SUSD4: variants seen among roughly 807,000 people sequenced by gnomAD.
SUSD4 encodes sushi domain-containing protein 4.
Under a neutral mutation model 50.5 loss-of-function variants are expected in SUSD4, and 41 were observed. The ratio of observed to expected loss-of-function variants is 0.81; its 90% CI spans 0.63 to 1.05. The LOEUF (loss-of-function observed/expected upper bound fraction) is 1.05, where lower values mean the gene tolerates loss of function less well. SUSD4 is among the 50% of genes least tolerant of loss of function. The pLI is 0.00. For synonymous variants in SUSD4, 257 were observed against 257.3 expected, an observed-to-expected ratio of 1.00 and a Z score of 0.01; for missense variants, 580 against 634.7, an observed-to-expected ratio of 0.91 and a Z score of 0.93.
intron 2 of SUSD4, among the ~76,000 whole-genome samples, chr1:223,337,267 A>C (rs1472734715): frequency 2.6e-5 from 4 of 152,356 alleles, no homozygotes; most frequent in African/African-American, 9.6e-5. Flanking sequence ...GAATGTGTTA[A>C]GGAATGAATG....
chr1:223,255,772 C>G (rs1322732464), intron 5 of SUSD4, among the ~76,000 whole-genome samples: 1 of 152,204 alleles, frequency 6.6e-6, no homozygotes, highest in East Asian at 1.9e-4. Flanking sequence ...ATTTGCTGCC[C>G]TTTTCTTCCT....
chr1:223,284,797 G>A (rs760225306), intron 3 of SUSD4, among the ~76,000 whole-genome samples: 91 of 152,172 alleles, frequency 6.0e-4, no homozygotes, highest in Non-Finnish European at 6.5e-4. Flanking sequence ...TCACTCATAT[G>A]TGGAAGCTAA....
At chr1:223,347,636 G>C (rs1028220423) in intron 2 of SUSD4, among the ~76,000 whole-genome samples, 2 of 151,848 alleles carry the variant, frequency 1.3e-5, no homozygotes, top group South Asian at 2.1e-4. Flanking sequence ...TTTCATGCAC[G>C]CATTTAAGTG....
chr1:223,252,230 A>ATATAT (rs1553285623), intron 5 of SUSD4, among the ~76,000 whole-genome samples: 1 of 64,700 alleles, frequency 1.5e-5, no homozygotes, highest in African/African-American at 4.7e-5. Flanking sequence ...AAAAAAAAAA[A>ATATAT]AAAAAAATAT....
chr1:223,345,408 G>A (rs535626867), intron 2 of SUSD4, among the ~76,000 whole-genome samples: 1 of 152,152 alleles, frequency 6.6e-6, no homozygotes, highest in Admixed American at 6.5e-5. Flanking sequence ...TGCTTATTAA[G>A]AGATGGAGCC....
intron 2 of SUSD4, among the ~76,000 whole-genome samples, chr1:223,325,608 A>G (rs1666829771): frequency 6.6e-6 from 1 of 152,244 alleles, no homozygotes; most frequent in African/African-American, 2.4e-5. Flanking sequence ...ATATTATCAT[A>G]TATCTAGAAA....
intron 2 of SUSD4, among the ~76,000 whole-genome samples, chr1:223,351,583 A>G (rs1287810142): frequency 6.6e-6 from 1 of 152,148 alleles, no homozygotes; most frequent in East Asian, 1.9e-4. Flanking sequence ...GTGAGATGGA[A>G]GCTGACAGAG....
intron 4 of SUSD4, among the ~76,000 whole-genome samples, chr1:223,267,035 G>C (rs74145794): frequency 0.059 from 8,910 of 152,294 alleles, 399 homozygotes; most frequent in East Asian, 0.15. Flanking sequence ...GGCTTGCATC[G>C]TTTAAAGAAG....
chr1:223,230,143 T>C (rs572051185), intron 5 of SUSD4, among the ~76,000 whole-genome samples: 2 of 152,350 alleles, frequency 1.3e-5, no homozygotes, highest in South Asian at 2.1e-4. Flanking sequence ...AAGTTGTTTT[T>C]AGTGTCTTTA....
chr1:223,294,864 A>C (rs1008025855), intron 2 of SUSD4, among the ~76,000 whole-genome samples: 4 of 152,194 alleles, frequency 2.6e-5, no homozygotes, highest in African/African-American at 9.7e-5. Context: ...TGATGGCTGC[A>C]TGTTTTTAAT....
At chr1:223,325,109 C>T (rs566339679) in intron 2 of SUSD4, among the ~76,000 whole-genome samples, 68 of 152,208 alleles carry the variant, frequency 4.5e-4, no homozygotes, top group Non-Finnish European at 7.2e-4. Context: ...AGGACTGGAA[C>T]GAAAGCCAGT....
chr1:223,271,142 G>C (rs1662893540), intron 3 of SUSD4, among the ~76,000 whole-genome samples: 1 of 152,190 alleles, frequency 6.6e-6, no homozygotes, highest in African/African-American at 2.4e-5. Flanking sequence ...TTTACACATT[G>C]AAACAACTAT....
At chr1:223,299,638 A>T (rs530527726) in intron 2 of SUSD4, among the ~76,000 whole-genome samples, 1 of 152,266 alleles carries the variant, frequency 6.6e-6, no homozygotes, top group African/African-American at 2.4e-5. Flanking sequence ...GGTATGTGTG[A>T]GGGTGTTTCT....
At chr1:223,359,451 G>C (rs1668845171) in intron 2 of SUSD4, among the ~76,000 whole-genome samples, 1 of 152,116 alleles carries the variant, frequency 6.6e-6, no homozygotes. Flanking sequence ...CTCTTCTCTA[G>C]AGCCTTTCCT....
At position 223,268,524 on chromosome 1, in the gene SUSD4, C is replaced by A; in HGVS notation, c.513G>T (p.Trp171Cys). The change falls in exon 4 of 9, where the codon TGG becomes TGT. Residue 171 changes from tryptophan to cysteine, a missense_variant. Physicochemically the swap from Trp to Cys is radical, Grantham distance 215. Coordinates refer to ENST00000366878, the MANE Select transcript of SUSD4 (RefSeq NM_017982.4). The stretch of plus-strand genomic sequence containing the variant: ...TACCTTGACAGATGGGCAGATTATT[C>A]CACGTTCCATCATCGCGACATAATG... ...MVSLCRDDGTWNNLPICQGCL... is the reference protein window; with the variant it reads ...MVSLCRDDGTCNNLPICQGCL... 6.2e-7 allele frequency: 1 copy of A among 1,613,706 alleles called. No individual in the cohort carries two copies. The highest frequency in any genetic ancestry group is 8.5e-7 in the Non-Finnish European group (1 of 1,179,806).
chr1:223,362,511 C>T lies in SUSD4; in HGVS notation c.148+767G>A, dbSNP rs150718756. Among the ~76,000 whole-genome samples, 108 of 152,280 alleles carry T rather than the reference C, an allele frequency of 7.1e-4. 1 individual carries two copies. The East Asian group carries it at 0.015, about 22-fold the overall frequency. The stretch of plus-strand genomic sequence containing the variant: ...TCAGACAGGAACTCCATCTGTCTTC[C>T]TCTACCACAACTAAAAGATACCCCT... On this transcript the variant is annotated intron_variant, in intron 2 of 8. Transcript: ENST00000366878.
intron 5 of SUSD4, among the ~76,000 whole-genome samples, chr1:223,251,181 A>G (rs1661281602): frequency 6.6e-6 from 1 of 152,232 alleles, no homozygotes; most frequent in African/African-American, 2.4e-5. Flanking sequence ...TGGGTAATTT[A>G]TAAAGAAAAA....
At chr1:223,276,869 A>G (rs564329109) in intron 3 of SUSD4, among the ~76,000 whole-genome samples, 9 of 152,310 alleles carry the variant, frequency 5.9e-5, no homozygotes, top group African/African-American at 1.9e-4. Flanking sequence ...ATCTAAGGCA[A>G]TAAGAAAGAA....
rs550507610 is a variant in SUSD4 at position 223,332,552 on chromosome 1, G to A, written c.148+30726C>T. 2.0e-5 allele frequency among the ~76,000 whole-genome samples: 3 copies of A among 152,294 alleles called. No individual in the cohort carries two copies. Among genetic ancestry groups the A allele is most frequent in the South Asian group, 4.1e-4 (2 of 4,824 alleles). On this transcript the variant is annotated intron_variant, in intron 2 of 8. Transcript: ENST00000366878. This position sits in a 1 kb window ranked among gnomAD's most constrained non-coding sequence, Gnocchi z 4.0. Reference sequence around the variant, plus strand: ...GATCTGTCCATTTAAACTAGAAGTCGTTAGCTATTTTTAATGCTGTAATTT... The same window carrying A: ...GATCTGTCCATTTAAACTAGAAGTCATTAGCTATTTTTAATGCTGTAATTT...
Sources: gnomAD v4.1 joint callset for allele counts (sites outside exome capture counted in the v4.1 genomes callset) on GRCh38, gnomAD v4.1.1 for gene constraint, Gnocchi (gnomAD v3.1) non-coding constraint, MANE v1.5 for transcripts, NCBI Gene and HGNC (gene_info 2026-07-23, HGNC 2026-07-21) for gene names.